Variants in CTNNA2 observed in about 807,000 individuals in gnomAD.
CTNNA2 encodes catenin alpha 2.
In CTNNA2, 42 loss-of-function variants were observed where a neutral mutation model predicts 101.0. The observed-to-expected ratio is 0.42, with a 90% CI of 0.32 to 0.54. CTNNA2 has a LOEUF of 0.54. Ranked by LOEUF, CTNNA2 falls within the 20% of genes least tolerant of loss-of-function variation. The pLI is 0.14. For synonymous variants in CTNNA2, 450 were observed against 456.4 expected, an observed-to-expected ratio of 0.99 and a Z score of 0.18; for missense variants, 871 against 1,223.1, an observed-to-expected ratio of 0.71 and a Z score of 4.29.
chr2:80,619,120 G>A lies in CTNNA2; in HGVS notation c.2466G>A (p.Glu822=). ...AGAGCACTTTCACTACCTTTTATGAGGTAGATTGTGATGTCATAGATGGGG... is the reference window on the plus strand; with the variant it reads ...AGAGCACTTTCACTACCTTTTATGAAGTAGATTGTGATGTCATAGATGGGG... ...GVQSTFTTFY[E]VDCDVIDGGR... is the part of the protein sequence containing the mutation. Residue 822 remains glutamate (E), a synonymous_variant, in exon 18 of 19, where the codon GAG becomes GAA. Transcript: ENST00000402739. 6.5e-7 allele frequency: 1 copy of A among 1,543,454 alleles called. No homozygotes were observed. The highest frequency in any genetic ancestry group is 8.8e-7 in the Non-Finnish European group (1 of 1,142,834).
intron 12 of CTNNA2, among the ~76,000 whole-genome samples, chr2:80,561,838 T>C (rs1422141539): frequency 6.7e-6 from 1 of 150,356 alleles, no homozygotes; most frequent in African/African-American, 2.5e-5. Context: ...TTTTTTTTTT[T>C]TTTTTTTTTG....
intron 1 of CTNNA2, among the ~76,000 whole-genome samples, chr2:79,534,666 A>C (rs1048998636): frequency 3.3e-5 from 5 of 152,042 alleles, no homozygotes; most frequent in Non-Finnish European, 7.4e-5. Context: ...TAGTACTGAT[A>C]GTATATTTTC....
intron 7 of CTNNA2, among the ~76,000 whole-genome samples, chr2:80,177,379 A>T (rs554459354): frequency 5.9e-5 from 9 of 152,316 alleles, no homozygotes; most frequent in African/African-American, 1.9e-4. Flanking sequence ...GAAGTCTAGT[A>T]TACTCAACCT....
At chr2:79,989,452 C>T (rs1008782682) in intron 7 of CTNNA2, among the ~76,000 whole-genome samples, 6 of 151,756 alleles carry the variant, frequency 4.0e-5, no homozygotes, top group Non-Finnish European at 7.4e-5. Context: ...GTGAAAATCC[C>T]GTCTATACAA....
chr2:80,424,265 C>G (rs1324489772), intron 9 of CTNNA2, among the ~76,000 whole-genome samples: 1 of 152,100 alleles, frequency 6.6e-6, no homozygotes, highest in East Asian at 1.9e-4. Flanking sequence ...AGCAAACATT[C>G]AAAATAGACT....
intron 7 of CTNNA2, among the ~76,000 whole-genome samples, chr2:79,985,945 C>T (rs769053826): frequency 6.6e-6 from 1 of 152,180 alleles, no homozygotes; most frequent in African/African-American, 2.4e-5. Context: ...CTTGCCCACA[C>T]CCCAGGCAAC....
intron 2 of CTNNA2, among the ~76,000 whole-genome samples, chr2:79,237,692 G>C (rs1468613230): frequency 1.3e-5 from 2 of 152,150 alleles, no homozygotes; most frequent in Non-Finnish European, 2.9e-5. Flanking sequence ...TTCTACATCA[G>C]TACTTGTTGC....
At chr2:80,096,674 A>C (rs1186728772) in intron 7 of CTNNA2, among the ~76,000 whole-genome samples, 1 of 152,200 alleles carries the variant, frequency 6.6e-6, no homozygotes, top group Non-Finnish European at 1.5e-5. Context: ...GACTTGCTTT[A>C]TGAATCTGGG....
chr2:79,925,262 A>G (rs1455371462), intron 7 of CTNNA2, among the ~76,000 whole-genome samples: 5 of 151,936 alleles, frequency 3.3e-5, no homozygotes, highest in African/African-American at 1.2e-4. Flanking sequence ...TGTCTTTTTA[A>G]TCCTTAGAAC....
intron 18 of CTNNA2, among the ~76,000 whole-genome samples, chr2:80,626,217 TTCTC>T (rs1671668752): frequency 6.6e-6 from 1 of 152,102 alleles, no homozygotes; most frequent in Non-Finnish European, 1.5e-5. Context: ...CTAGAGTTAT[TTCTC>T]TCTCACATGG....
At chr2:80,617,208 T>C (rs1488927776) in intron 17 of CTNNA2, among the ~76,000 whole-genome samples, 1 of 151,684 alleles carries the variant, frequency 6.6e-6, no homozygotes, top group African/African-American at 2.4e-5. Context: ...GTAATAATTT[T>C]TAAAACTGAG....
intron 7 of CTNNA2, among the ~76,000 whole-genome samples, chr2:80,272,097 T>C (rs932959200): frequency 1.3e-5 from 2 of 152,258 alleles, no homozygotes; most frequent in Admixed American, 6.5e-5. Flanking sequence ...TAATTACTTA[T>C]GATTACTGCA....
intron 9 of CTNNA2, among the ~76,000 whole-genome samples, chr2:80,484,843 G>A (rs1255685666): frequency 2.6e-5 from 4 of 151,974 alleles, no homozygotes; most frequent in East Asian, 3.9e-4. Context: ...TGTCTCTACT[G>A]AAAATACAAA....
intron 3 of CTNNA2, among the ~76,000 whole-genome samples, chr2:79,342,223 A>T (rs932041310): frequency 1.3e-5 from 2 of 152,208 alleles, no homozygotes; most frequent in African/African-American, 4.8e-5. Context: ...AGGTAAATAT[A>T]GGCTCTTCCT....
At chr2:79,409,622 T>C (rs1243910719) in intron 4 of CTNNA2, among the ~76,000 whole-genome samples, 3 of 150,446 alleles carry the variant, frequency 2.0e-5, no homozygotes, top group Admixed American at 6.7e-5. Context: ...ATATGCGGCA[T>C]TATTTCTGAG....
chr2:80,629,031 A>T (rs1305825974), intron 18 of CTNNA2, among the ~76,000 whole-genome samples: 1 of 152,078 alleles, frequency 6.6e-6, no homozygotes, highest in East Asian at 1.9e-4. Context: ...TACTTCATTG[A>T]GTTATTGTTA....
At position 79,621,862 on chromosome 2, in the gene CTNNA2, A is replaced by C. The variant is rs1198973406; in HGVS notation, c.-5-29690A>C. Among the ~76,000 whole-genome samples the C allele has an allele frequency of 3.3e-5, 5 of 152,334 alleles. No individual in the cohort carries two copies. The East Asian group carries it at 9.7e-4, about 29-fold the overall frequency. ...ACTTTACATCCATGGTCTTCTTCTCAGAAACCCATAACCCCAGTATAACCA... is the reference window on the plus strand; with the variant it reads ...ACTTTACATCCATGGTCTTCTTCTCCGAAACCCATAACCCCAGTATAACCA... On this transcript the variant is annotated intron_variant, in intron 1 of 18. Transcript: ENST00000402739.
intron 14 of CTNNA2, 30 bp downstream of exon 14, chr2:80,581,849 C>G: frequency 7.8e-7 from 1 of 1,280,426 alleles, no homozygotes; most frequent in Non-Finnish European, 1.1e-6. Context: ...TTTGGCTTGG[C>G]ACACAGGGAC....
At chr2:80,222,758 A>T (rs1238629156) in intron 7 of CTNNA2, among the ~76,000 whole-genome samples, 1 of 152,230 alleles carries the variant, frequency 6.6e-6, no homozygotes, top group African/African-American at 2.4e-5. Context: ...TGATAACTTT[A>T]TGCCTGGATC....
Sources: allele counts gnomAD v4.1 joint callset (sites outside exome capture counted in the v4.1 genomes callset), GRCh38; gene constraint gnomAD v4.1.1; transcripts MANE v1.5; gene names NCBI Gene and HGNC (gene_info 2026-07-23, HGNC 2026-07-21).